UNC13C: variants seen among roughly 807,000 people sequenced by gnomAD.
The protein encoded by UNC13C is unc-13 homolog C.
UNC13C carries 174 observed loss-of-function variants against 245.4 expected under a neutral mutation model. That is an observed-to-expected ratio of 0.71 (90% CI 0.63 to 0.80). The LOEUF (loss-of-function observed/expected upper bound fraction) is 0.80. Among genes scored for constraint, UNC13C ranks in the 30% least tolerant of loss-of-function variants. The pLI is 0.00. For synonymous variants in UNC13C, 992 were observed against 895.1 expected, an observed-to-expected ratio of 1.11 and a Z score of -1.93; for missense variants, 2,829 against 2,602.9, an observed-to-expected ratio of 1.09 and a Z score of -1.89.
At chr15:54,626,605 G>C (rs1034289789) in intron 32 of UNC13C, among the ~76,000 whole-genome samples, 5 of 152,082 alleles carry the variant, frequency 3.3e-5, no homozygotes, top group Admixed American at 6.6e-5. Context: ...GTGTAACATA[G>C]TATCTTAATT....
At chr15:54,408,258 T>G (rs535635442) in intron 18 of UNC13C, among the ~76,000 whole-genome samples, 1 of 148,256 alleles carries the variant, frequency 6.7e-6, no homozygotes, top group South Asian at 2.2e-4. Flanking sequence ...GCTCTGTTTC[T>G]GATTCTGTCT....
chr15:54,357,825 T>C (rs575300678), intron 17 of UNC13C, among the ~76,000 whole-genome samples: 2 of 152,048 alleles, frequency 1.3e-5, no homozygotes, highest in South Asian at 4.1e-4. Context: ...ATTTTTCACA[T>C]ATATATGAGA....
At chr15:54,616,426 T>G (rs1291106325) in intron 30 of UNC13C, among the ~76,000 whole-genome samples, 1 of 152,042 alleles carries the variant, frequency 6.6e-6, no homozygotes, top group Admixed American at 6.6e-5. Context: ...ATAAGCCTGC[T>G]GTACTCCCAG....
the UNC13C span, among the ~76,000 whole-genome samples, chr15:53,886,551 T>G: frequency 1.3e-5 from 2 of 152,100 alleles, no homozygotes; most frequent in Non-Finnish European, 2.9e-5. Context: ...AGGAAAAATC[T>G]CCCGCACAGA....
chr15:54,254,997 C>T (rs1460759384), intron 8 of UNC13C, among the ~76,000 whole-genome samples: 1 of 152,154 alleles, frequency 6.6e-6, no homozygotes, highest in Non-Finnish European at 1.5e-5. Context: ...CCCATGTCCT[C>T]CTTGCAGGGC....
chr15:54,122,496 G>C (rs2030736249), intron 2 of UNC13C, among the ~76,000 whole-genome samples: 1 of 151,900 alleles, frequency 6.6e-6, no homozygotes, highest in African/African-American at 2.4e-5. Context: ...TAATCTCTCT[G>C]TATGTATAAC....
intron 2 of UNC13C, among the ~76,000 whole-genome samples, chr15:54,053,981 T>C (rs1318278135): frequency 3.3e-5 from 5 of 152,220 alleles, no homozygotes; most frequent in African/African-American, 1.2e-4. Flanking sequence ...CTCATTCTTT[T>C]TTATAGCTGA....
intron 17 of UNC13C, among the ~76,000 whole-genome samples, chr15:54,344,653 A>C (rs2038818694): frequency 6.6e-6 from 1 of 152,190 alleles, no homozygotes; most frequent in African/African-American, 2.4e-5. Context: ...AATACTTCAT[A>C]TGATTAAGGC....
At chr15:53,983,614 T>G (rs910734504) in intron 1 of UNC13C, among the ~76,000 whole-genome samples, 3 of 152,084 alleles carry the variant, frequency 2.0e-5, no homozygotes, top group Non-Finnish European at 4.4e-5. Flanking sequence ...ATAAATATAA[T>G]GCTTGATAAA....
At chr15:54,169,886 C>A (rs995971346) in intron 4 of UNC13C, among the ~76,000 whole-genome samples, 1 of 151,988 alleles carries the variant, frequency 6.6e-6, no homozygotes, top group Non-Finnish European at 1.5e-5. Flanking sequence ...CTTCAGGGAA[C>A]ATTTCGCAGT....
At chr15:53,959,547 CTG>C in the UNC13C span, among the ~76,000 whole-genome samples, 15 of 152,078 alleles carry the variant, frequency 9.9e-5, no homozygotes, top group Admixed American at 6.5e-5. Flanking sequence ...TAGTTTAACT[CTG>C]TTGATTTTTC....
intron 1 of UNC13C, among the ~76,000 whole-genome samples, chr15:53,992,005 T>C (rs1894413863): frequency 6.6e-6 from 1 of 152,056 alleles, no homozygotes. Context: ...CTCTAGTACA[T>C]CTACTTCTCT....
rs539718219 is a variant in UNC13C at position 54,381,037 on chromosome 15, A to G, written c.4714-12011A>G. ...ATCACATCCAAAAAAATCTTAATCC[A>G]GTCTAGTGTCATGGAGCTTTTCTCC... On this transcript the variant is annotated intron_variant, in intron 17 of 32. Coordinates refer to ENST00000260323, the MANE Select transcript of UNC13C (RefSeq NM_001080534.3). Among the ~76,000 whole-genome samples the G allele has an allele frequency of 2.0e-5, 3 of 152,198 alleles. No individual in the cohort carries two copies. The South Asian group carries it at 6.2e-4, about 32-fold the overall frequency.
intron 2 of UNC13C, among the ~76,000 whole-genome samples, chr15:54,131,231 A>G (rs758082208): frequency 2.0e-5 from 3 of 152,222 alleles, no homozygotes; most frequent in Non-Finnish European, 4.4e-5. Flanking sequence ...GAATCCTTCC[A>G]TGTGGTATCT....
At chr15:54,614,634 C>T (rs1389467746) in intron 30 of UNC13C, among the ~76,000 whole-genome samples, 2 of 151,834 alleles carry the variant, frequency 1.3e-5, no homozygotes, top group African/African-American at 4.8e-5. Context: ...GATTAAAATT[C>T]TAGGATCATA....
chr15:54,396,448 A>T (rs1220650077), intron 18 of UNC13C, among the ~76,000 whole-genome samples: 1 of 151,578 alleles, frequency 6.6e-6, no homozygotes, highest in African/African-American at 2.4e-5. Context: ...AGTTTCACCC[A>T]TGTTATTGTA....
chr15:54,503,404 T>C (rs1346560780), intron 22 of UNC13C, among the ~76,000 whole-genome samples: 6 of 150,428 alleles, frequency 4.0e-5, no homozygotes, highest in African/African-American at 1.5e-4. Flanking sequence ...GAAACATCAG[T>C]CAAATCCATT....
chr15:54,131,367 A>C (rs4774680), intron 2 of UNC13C, among the ~76,000 whole-genome samples: 55,907 of 152,066 alleles, frequency 0.37, 10,352 homozygotes, highest in Admixed American at 0.39. Flanking sequence ...ATTAGGATAT[A>C]ATTTATATTC....
rs1202618938 is a variant in UNC13C at position 54,250,733 on chromosome 15, T to TTTTCTTTCTTTCTTTCTTTCTTTCTTTC, written c.3448+308_3448+309insCTTTCTTTCTTTCTTTCTTTCTTTCTTT. Among the ~76,000 whole-genome samples the TTTTCTTTCTTTCTTTCTTTCTTTCTTTC allele has an allele frequency of 1.8e-3, 162 of 87,762 alleles. 4 individuals are homozygous for TTTTCTTTCTTTCTTTCTTTCTTTCTTTC. The highest frequency in any genetic ancestry group is 3.6e-3 in the African/African-American group (53 of 14,918). The allele number at this position is 87,762 out of a possible 152,430, so 57.6% of individuals were successfully genotyped here. On this transcript the variant is annotated intron_variant, in intron 8 of 32. Coordinates refer to ENST00000260323, the MANE Select transcript of UNC13C (RefSeq NM_001080534.3). Reference sequence around the variant, plus strand: ...CTTCCTATCTATTTTCTTTTTTGTCTTTTCTTTCTTTCTTTCTTTTTTTTT... The same window carrying TTTTCTTTCTTTCTTTCTTTCTTTCTTTC: ...CTTCCTATCTATTTTCTTTTTTGTCTTTTCTTTCTTTCTTTCTTTCTTTCTTTCTTTCTTTCTTTCTTTCTTTTTTTTT...
Sources: gnomAD v4.1 joint callset for allele counts (sites outside exome capture counted in the v4.1 genomes callset) on GRCh38, gnomAD v4.1.1 for gene constraint, MANE v1.5 for transcripts, NCBI Gene and HGNC (gene_info 2026-07-23, HGNC 2026-07-21) for gene names.